The following TFDP1 variants were observed in gnomAD, a reference collection of about 807,000 sequenced individuals.
TFDP1 encodes transcription factor Dp-1.
A neutral mutation model predicts 48.0 loss-of-function variants in TFDP1; 6 were observed. The observed-to-expected ratio is 0.13, with a 90% CI of 0.07 to 0.25. The LOEUF is 0.25. Ranked by LOEUF, TFDP1 falls within the 10% of genes least tolerant of loss-of-function variation. The pLI is 1.00. For synonymous variants in TFDP1, 201 were observed against 211.6 expected (o/e 0.95, Z 0.44); for missense variants, 335 against 543.0 (o/e 0.62, Z 3.81).
intron 3 of TFDP1, among the ~76,000 whole-genome samples, chr13:113,615,823 G>C (rs373067227): frequency 6.6e-5 from 10 of 152,022 alleles, no homozygotes; most frequent in East Asian, 3.9e-4. Flanking sequence ...GGGGCAGGAG[G>C]ATCGCTTGAG....
At chr13:113,608,252 C>A (rs1453572497) in intron 2 of TFDP1, among the ~76,000 whole-genome samples, 1 of 152,252 alleles carries the variant, frequency 6.6e-6, no homozygotes, top group Admixed American at 6.5e-5. Flanking sequence ...GCAGTGCGTT[C>A]CCAGTGCCAG....
At chr13:113,588,520 GGTCA>G (rs1253861190) in intron 2 of TFDP1, among the ~76,000 whole-genome samples, 2 of 152,240 alleles carry the variant, frequency 1.3e-5, no homozygotes, top group African/African-American at 4.8e-5. Context: ...AAGAGGATGA[GGTCA>G]GTCCTCTGGG....
intron 2 of TFDP1, among the ~76,000 whole-genome samples, chr13:113,601,815 AC>A (rs2048436216): frequency 6.6e-6 from 1 of 152,160 alleles, no homozygotes; most frequent in African/African-American, 2.4e-5. Context: ...AGACAGAGTT[AC>A]CCGCAGGAGT....
At chr13:113,591,469 T>C (rs754421081) in intron 2 of TFDP1, among the ~76,000 whole-genome samples, 1 of 152,232 alleles carries the variant, frequency 6.6e-6, no homozygotes. Context: ...CAGCTCTTTG[T>C]TAGCTCTTTA....
At chr13:113,617,644 TCACCTGCAGAGCCGCTCACCTGCAGAGCC>T in intron 3 of TFDP1, among the ~76,000 whole-genome samples, 1 of 150,774 alleles carries the variant, frequency 6.6e-6, no homozygotes, top group South Asian at 2.1e-4. Flanking sequence ...GCAGAGCCGC[TCACCTGCAGAGCCGCTCACCTGCAGAGCC>T]GCTCACCTGC....
intron 3 of TFDP1, among the ~76,000 whole-genome samples, chr13:113,616,999 T>C (rs970939296): frequency 8.5e-5 from 13 of 152,132 alleles, no homozygotes; most frequent in Non-Finnish European, 1.5e-4. Context: ...AGGTGTGAGA[T>C]GGTGACTCTT....
intron 2 of TFDP1, among the ~76,000 whole-genome samples, chr13:113,589,448 A>G (rs2048086141): frequency 6.6e-6 from 1 of 152,124 alleles, no homozygotes; most frequent in African/African-American, 2.4e-5. Context: ...GTCTGTTTCC[A>G]TGCCTGGCCC....
chr13:113,612,984 C>T (rs1349099013), intron 3 of TFDP1, among the ~76,000 whole-genome samples: 1 of 151,194 alleles, frequency 6.6e-6, no homozygotes, highest in East Asian at 1.9e-4. Flanking sequence ...CCTGCCCTCA[C>T]CTGGTGTTGA....
chr13:113,613,109 C>T (rs944378002), intron 3 of TFDP1, among the ~76,000 whole-genome samples: 6 of 152,296 alleles, frequency 3.9e-5, no homozygotes, highest in South Asian at 2.1e-4. Context: ...CTCTGCCTCC[C>T]GGATTCAAGC....
At chr13:113,634,882 T>TGCATGTGTGTGCGTGC (rs2049440306) in intron 8 of TFDP1, among the ~76,000 whole-genome samples, 1 of 151,584 alleles carries the variant, frequency 6.6e-6, no homozygotes, top group South Asian at 2.1e-4. Context: ...TGTGTGCGTG[T>TGCATGTGTGTGCGTGC]GCATGTGTGT....
At chr13:113,634,992 G>C (rs1414109096) in intron 8 of TFDP1, among the ~76,000 whole-genome samples, 2 of 152,328 alleles carry the variant, frequency 1.3e-5, no homozygotes, top group Non-Finnish European at 2.9e-5. Context: ...AAGACAGATG[G>C]AGGGATGACT....
intron 2 of TFDP1, among the ~76,000 whole-genome samples, chr13:113,590,636 G>A (rs1231777249): frequency 6.6e-6 from 1 of 152,128 alleles, no homozygotes; most frequent in Non-Finnish European, 1.5e-5. Flanking sequence ...GTTTTTACAA[G>A]AGTCTTTTCA....
At chr13:113,615,307 C>T (rs1038614696) in intron 3 of TFDP1, among the ~76,000 whole-genome samples, 5 of 152,226 alleles carry the variant, frequency 3.3e-5, no homozygotes, top group African/African-American at 1.2e-4. Flanking sequence ...TTTAGGCTTT[C>T]TGTGTCACAG....
rs3751451 is a variant in TFDP1 at position 113,633,770 on chromosome 13, A to C, written c.475-120A>C. The C allele has an allele frequency of 8.2e-7, 1 of 1,216,876 alleles. No individual in the cohort carries two copies. The highest frequency in any genetic ancestry group is 2.2e-5 in the Admixed American group (1 of 45,236). 75.4% of individuals were successfully genotyped at this position (1,216,876 alleles called of 1,614,324 possible). ...TGGGGTGGGAGCGCTCCCTGAGGGC[A>C]TGTTGGGGTGGCGGCTCCGTGAGCG... On this transcript the variant is annotated intron_variant, in intron 6 of 11. Transcript: ENST00000375370. The surrounding 1 kb of genome is among the most constrained non-coding windows in gnomAD (Gnocchi z 4.5).
intron 3 of TFDP1, among the ~76,000 whole-genome samples, chr13:113,621,406 G>A (rs574184686): frequency 1.3e-5 from 2 of 152,358 alleles, no homozygotes; most frequent in East Asian, 1.9e-4. Context: ...GCAAGAGACC[G>A]AGGACACGAG....
chr13:113,589,568 C>T (rs909769094), intron 2 of TFDP1, among the ~76,000 whole-genome samples: 4 of 152,198 alleles, frequency 2.6e-5, no homozygotes, highest in Non-Finnish European at 5.9e-5. Context: ...CATCTCAGGC[C>T]CTCCGCCTCA....
intron 2 of TFDP1, among the ~76,000 whole-genome samples, chr13:113,600,865 TCAGGACTGCAAGAGAGAACC>T (rs773719447): frequency 9.3e-4 from 137 of 147,202 alleles, no homozygotes; most frequent in Non-Finnish European, 1.7e-3. Context: ...GATAGAGAAC[TCAGGACTGCAAGAGAGAACC>T]CAGGACCCAG....
At chr13:113,635,145 C>T (rs766476694) in intron 8 of TFDP1, among the ~76,000 whole-genome samples, 4 of 152,208 alleles carry the variant, frequency 2.6e-5, no homozygotes, top group Admixed American at 1.3e-4. Flanking sequence ...CTGGCCTTCC[C>T]CACCTCCCAT....
chr13:113,606,463 G>T (rs2048573994), intron 2 of TFDP1, among the ~76,000 whole-genome samples: 1 of 152,120 alleles, frequency 6.6e-6, no homozygotes, highest in African/African-American at 2.4e-5. Context: ...GGAAGGGCCA[G>T]GGAGCCCCTT....
Sources: gnomAD v4.1 joint callset for allele counts (sites outside exome capture counted in the v4.1 genomes callset) on GRCh38, gnomAD v4.1.1 for gene constraint, Gnocchi (gnomAD v3.1) non-coding constraint, MANE v1.5 for transcripts, NCBI Gene and HGNC (gene_info 2026-07-23, HGNC 2026-07-21) for gene names.